Variants in BTBD1 observed in about 807,000 individuals in gnomAD.
The protein encoded by BTBD1 is BTB/POZ domain-containing protein 1.
In BTBD1, 34 loss-of-function variants were observed where a neutral mutation model predicts 48.0. The ratio of observed to expected loss-of-function variants is 0.71; its 90% CI spans 0.54 to 0.94. The LOEUF is 0.94. BTBD1 is among the 40% of genes least tolerant of loss of function. The pLI, the probability that BTBD1 is intolerant of heterozygous loss-of-function variation, is 0.00. For synonymous variants in BTBD1, 261 were observed against 242.1 expected (o/e 1.08, Z -0.72); for missense variants, 543 against 625.6 (o/e 0.87, Z 1.41).
At position 83,017,369 on chromosome 15, in the gene BTBD1, TTA is replaced by T. The variant is rs1243679825; in HGVS notation, c.*696_*697del. 6.6e-6 allele frequency: 1 copy of T among 152,652 alleles called. No individual in the cohort carries two copies. Among genetic ancestry groups the T allele is most frequent in the Non-Finnish European group, 1.5e-5 (1 of 68,048 alleles). 9.5% of individuals were successfully genotyped at this position (152,652 alleles called of 1,614,324 possible). On this transcript the variant is annotated 3_prime_UTR_variant, in exon 8 of 8. Coordinates refer to ENST00000261721, the MANE Select transcript of BTBD1 (RefSeq NM_025238.4). ...CAGTTTAGTGACAGGGAATCCAGTC[TTA>T]GATCCTGTTTATATCACATTTTTGT... is the stretch of plus-strand genomic sequence containing the variant.
chr15:83,052,040 T>A, intron 2 of BTBD1, among the ~76,000 whole-genome samples: 1 of 152,070 alleles, frequency 6.6e-6, no homozygotes, highest in Admixed American at 6.5e-5. Flanking sequence ...TACTGCAACC[T>A]CTACCTCCCA....
chr15:83,027,799 T>A (rs924038272), intron 5 of BTBD1, among the ~76,000 whole-genome samples: 14 of 152,244 alleles, frequency 9.2e-5, no homozygotes, highest in African/African-American at 2.4e-5. Flanking sequence ...GCAGCAATGC[T>A]GCTCATGATA....
chr15:83,042,401 A>G (rs2032785353), intron 3 of BTBD1, among the ~76,000 whole-genome samples: 1 of 54,744 alleles, frequency 1.8e-5, no homozygotes, highest in Non-Finnish European at 4.1e-5. Context: ...TTGGATATAG[A>G]GTCATAGAGT....
Position 83,030,323 on chromosome 15 carries a change from CA to C in BTBD1, c.867del (p.Ala290LeufsTer12). On this transcript the variant is annotated frameshift_variant, in exon 5 of 8. Coordinates refer to ENST00000261721, the MANE Select transcript of BTBD1 (RefSeq NM_025238.4). LOFTEE classifies it high-confidence loss of function. Reference sequence around the variant, plus strand: ...CGATCTGACAAAATTCCAGATTGAGCAGGACCTGTGGAAATAAAAACATAAG... The same window carrying C: ...CGATCTGACAAAATTCCAGATTGAGCGGACCTGTGGAAATAAAAACATAAG... ...LMTIEEFAAGPAQSGILSDRE... is the reference protein window; with the variant it reads ...LMTIEEFAAGXAQSGILSDRE... 1 of 1,611,208 alleles carries C rather than the reference CA, an allele frequency of 6.2e-7. No individual in the cohort carries two copies. The highest frequency in any genetic ancestry group is 1.3e-5 in the African/African-American group (1 of 74,894).
intron 3 of BTBD1, among the ~76,000 whole-genome samples, chr15:83,042,348 T>TTTTATATATA (rs773923340): frequency 8.0e-4 from 88 of 109,874 alleles, no homozygotes; most frequent in South Asian, 5.6e-3. Context: ...TTAGGCAATT[T>TTTTATATATA]TATATATATA....
intron 3 of BTBD1, among the ~76,000 whole-genome samples, chr15:83,042,410 G>T (rs1439054104): frequency 7.9e-6 from 1 of 125,934 alleles, no homozygotes; most frequent in East Asian, 2.0e-4. Flanking sequence ...GAGTCATAGA[G>T]TCTCATTCTG....
chr15:83,018,637 T>A, intron 7 of BTBD1, 70 bp downstream of exon 7: 1 of 1,541,888 alleles, frequency 6.5e-7, no homozygotes, highest in Non-Finnish European at 8.8e-7. Flanking sequence ...TCAGTGACTC[T>A]CAGCTTCTAA....
chr15:83,053,774 C>G (rs893380469), intron 2 of BTBD1, among the ~76,000 whole-genome samples: 3 of 152,148 alleles, frequency 2.0e-5, no homozygotes, highest in Non-Finnish European at 4.4e-5. Context: ...CCTCAATTTC[C>G]TTACTTAAAA....
At chr15:83,037,442 T>C (rs1705756274) in intron 4 of BTBD1, among the ~76,000 whole-genome samples, 1 of 152,126 alleles carries the variant, frequency 6.6e-6, no homozygotes, top group Non-Finnish European at 1.5e-5. Flanking sequence ...ATAAAAACCA[T>C]ATGACTGTCT....
At chr15:83,058,907 T>C (rs1296248735) in intron 1 of BTBD1, among the ~76,000 whole-genome samples, 1 of 152,148 alleles carries the variant, frequency 6.6e-6, no homozygotes, top group Non-Finnish European at 1.5e-5. Flanking sequence ...ATCTAAAGAT[T>C]AAAAGGACGG....
chr15:83,047,086 G>GAT (rs1399923158), intron 3 of BTBD1, among the ~76,000 whole-genome samples: 1 of 152,206 alleles, frequency 6.6e-6, no homozygotes, highest in Non-Finnish European at 1.5e-5. Flanking sequence ...TGGTGCTAGT[G>GAT]ATAGAGTTGT....
intron 4 of BTBD1, among the ~76,000 whole-genome samples, chr15:83,031,225 T>C (rs748434391): frequency 6.6e-6 from 1 of 152,222 alleles, no homozygotes; most frequent in Non-Finnish European, 1.5e-5. Context: ...CCATTCTAAC[T>C]GGTGTGAGAC....
At chr15:83,065,741 A>T (rs2033256589) in intron 1 of BTBD1, among the ~76,000 whole-genome samples, 1 of 152,232 alleles carries the variant, frequency 6.6e-6, no homozygotes. Flanking sequence ...AAATTGGGGT[A>T]AACAATTCTT....
Position 83,018,162 on chromosome 15 carries a change from T to G in BTBD1, c.1354A>C (p.Ser452Arg), listed in dbSNP as rs781192572. Residue 452 changes from serine to arginine, a missense_variant, in exon 8 of 8, where the codon AGC (serine) becomes CGC (arginine). This residue lies in a region of BTBD1 where 300 missense variants were observed against 350.0 expected (regional missense o/e 0.86). Transcript: ENST00000261721. ...CTAAAAAAGAAAAAAACAGTCTTGC[T>G]TGCAGCAGGTGTCTCATGCACTACT... Reference protein sequence around the residue: ...KKVVHETPAASKTVFFFFSSP... With the variant: ...KKVVHETPAARKTVFFFFSSP... 1.9e-6 allele frequency: 3 copies of G among 1,613,084 alleles called. No individual in the cohort carries two copies. In the South Asian group the frequency reaches 3.3e-5, roughly 18 times the overall value.
intron 6 of BTBD1, among the ~76,000 whole-genome samples, chr15:83,019,363 A>AT (rs202212135): frequency 4.0e-5 from 6 of 150,920 alleles, no homozygotes; most frequent in African/African-American, 4.9e-5. Flanking sequence ...CTAATTTTTC[A>AT]TTTTTTTTGT....
chr15:83,022,304 T>C (rs754791300), intron 5 of BTBD1: 13 of 151,728 alleles, frequency 8.6e-5, no homozygotes, highest in African/African-American at 1.9e-4. Context: ...TCCCAACTCA[T>C]TGTCCTGAGT....
intron 4 of BTBD1, among the ~76,000 whole-genome samples, chr15:83,040,789 A>T (rs958623121): frequency 6.6e-6 from 1 of 151,822 alleles, no homozygotes; most frequent in South Asian, 2.1e-4. Context: ...GTCAATTATG[A>T]CCTGGGTAAT....
At chr15:83,061,423 A>T (rs2033174882) in intron 1 of BTBD1, 1 of 152,182 alleles carries the variant, frequency 6.6e-6, no homozygotes, top group African/African-American at 2.4e-5. Flanking sequence ...ACTCATATCT[A>T]ATAACTAATC....
At chr15:83,065,855 T>C (rs2033259423) in intron 1 of BTBD1, among the ~76,000 whole-genome samples, 1 of 152,212 alleles carries the variant, frequency 6.6e-6, no homozygotes, top group Non-Finnish European at 1.5e-5. Context: ...ACAAGCAAAT[T>C]CTAACATCAA....
Sources: gnomAD v4.1 joint callset for allele counts (sites outside exome capture counted in the v4.1 genomes callset) on GRCh38, gnomAD v4.1.1 for gene constraint, gnomAD v4.1.1 regional missense constraint, MANE v1.5 for transcripts, NCBI Gene and HGNC (gene_info 2026-07-23, HGNC 2026-07-21) for gene names.